Variants in PLK2 observed in about 807,000 individuals in gnomAD.
PLK2 encodes serine/threonine-protein kinase PLK2.
A neutral mutation model predicts 78.1 loss-of-function variants in PLK2; 25 were observed. That is an observed-to-expected ratio of 0.32 (90% confidence interval 0.23 to 0.45). The LOEUF is 0.45. Among genes scored for constraint, PLK2 ranks in the 20% least tolerant of loss-of-function variants. The pLI, the probability that PLK2 is intolerant of heterozygous loss-of-function variation, is 1.00. For missense variants in PLK2, 566 were observed against 840.2 expected, an observed-to-expected ratio of 0.67 and a Z score of 4.04; for synonymous variants, 332 against 298.2, an observed-to-expected ratio of 1.11 and a Z score of -1.17.
At chr5:58,457,690 A>G in intron 5 of PLK2, 107 bp from the exon 6 acceptor site, 1 of 678,802 alleles carries the variant, frequency 1.5e-6, no homozygotes, top group South Asian at 1.7e-5. Flanking sequence ...AAATCTTAAA[A>G]TCTATACTGA....
chr5:58,454,573 G>A lies in PLK2; in HGVS notation c.*10C>T, dbSNP rs200252422. ...AAGAGGAGTCCCATAGGGTCCATTCGAAAAGTCTTTCAGTTACATCTTTGT... is the reference window on the plus strand; with the variant it reads ...AAGAGGAGTCCCATAGGGTCCATTCAAAAAGTCTTTCAGTTACATCTTTGT... On this transcript the variant is annotated 3_prime_UTR_variant, in exon 14 of 14. Transcript: ENST00000274289. 55 of 1,595,164 alleles carry A rather than the reference G, an allele frequency of 3.4e-5. No homozygotes were observed. The East Asian group carries it at 1.1e-3, about 32-fold the overall frequency.
Position 58,457,565 on chromosome 5 carries a change from T to A in PLK2, c.732A>T (p.Pro244=). The part of the protein sequence containing the change: ...EHRRRTICGT[P]NYLSPEVLNK... Reference sequence around the variant, plus strand: ...TGAGGACTTCAGGAGAGAGATAATTTGGGGTACCACATATCGTTCTGGAAA... The same window carrying A: ...TGAGGACTTCAGGAGAGAGATAATTAGGGGTACCACATATCGTTCTGGAAA... The change falls in exon 6 of 14, where the codon CCA becomes CCT. Residue 244 remains proline (P), a synonymous_variant. Transcript: ENST00000274289. The A allele has an allele frequency of 6.2e-7, 1 of 1,609,064 alleles. No individual in the cohort carries two copies. The highest frequency in any genetic ancestry group is 8.5e-7 in the Non-Finnish European group (1 of 1,175,366).
At position 58,455,380 on chromosome 5, in the gene PLK2, A is replaced by G. The variant is rs147633369; in HGVS notation, c.1660T>C (p.Ser554Pro). 3.7e-6 allele frequency: 6 copies of G among 1,614,136 alleles called. No homozygotes were observed. The highest frequency in any genetic ancestry group is 2.2e-5 in the East Asian group (1 of 44,884). Residue 554 changes from serine (S) to proline (P), a missense_variant, in exon 12 of 14, where the codon TCA becomes CCA. By Grantham distance (74) the Ser-to-Pro change is moderately conservative. Around this residue, in one of 5 missense-constraint regions of PLK2, gnomAD observed 130 missense variants for 196.4 expected, o/e 0.66. Transcript: ENST00000274289. ...GGAGCATCTGTTGCTGGGAAAACTG[A>G]GCATTGGCCAAGCTCTGCGTAATAG... ...VHYYAELGQCSVFPATDAPEQ... is the reference protein window; with the variant it reads ...VHYYAELGQCPVFPATDAPEQ...
intron 10 of PLK2, 86 bp from the exon 11 acceptor site, chr5:58,455,865 A>AT: frequency 2.0e-6 from 3 of 1,530,104 alleles, no homozygotes; most frequent in Non-Finnish European, 2.7e-6. Flanking sequence ...GTTTCACTCC[A>AT]TTAATTCGAA....
At chr5:58,456,739 A>AC (rs1743615969) in intron 8 of PLK2, 150 bp from the exon 9 acceptor site, 1 of 639,994 alleles carries the variant, frequency 1.6e-6, no homozygotes, top group South Asian at 2.1e-5. Flanking sequence ...AGCTGCAGCT[A>AC]CCCCCAAAAG....
chr5:58,459,457 A>T (rs1375025126), intron 1 of PLK2: 4 of 568,644 alleles, frequency 7.0e-6, no homozygotes, highest in South Asian at 2.4e-5. Context: ...CTCAAGATGC[A>T]TTTCTCTGGG....
At chr5:58,456,270 T>C (rs1743600814) in intron 9 of PLK2, 115 bp from the exon 10 acceptor site, 3 of 1,009,404 alleles carry the variant, frequency 3.0e-6, no homozygotes, top group East Asian at 2.4e-5. Flanking sequence ...CAAAAAGCAA[T>C]GGACACAAGC....
At position 58,460,030 on chromosome 5, in the gene PLK2, T is replaced by A. The variant is rs891641477; in HGVS notation, c.-71A>T. 8.0e-6 allele frequency: 12 copies of A among 1,509,192 alleles called. No homozygotes were observed. Among genetic ancestry groups the A allele is most frequent in the Non-Finnish European group, 9.8e-6 (11 of 1,128,116 alleles). 93.5% of individuals were successfully genotyped at this position (1,509,192 alleles called of 1,614,324 possible). A position where few individuals can be genotyped will look rare whatever the true frequency, so the allele number is the denominator to read the frequency against. On this transcript the variant is annotated 5_prime_UTR_variant, in exon 1 of 14. Transcript: ENST00000274289. ...GGTCACACGTCCGAGCCGGCCGTGG[T>A]CCTCGCACCCTTGCCTCTGGTGCCG...
Position 58,457,458 on chromosome 5 carries a change from C to T in PLK2, c.809+30G>A, listed in dbSNP as rs372353895. 8.8e-6 allele frequency: 14 copies of T among 1,590,552 alleles called. No homozygotes were observed. The African/African-American group carries it at 1.2e-4, about 14-fold the overall frequency. ...GTGTTAAAATCTAAATCCGAATTTGCTTTTTAATTATTCTGCTGCATTTAC... is the reference window on the plus strand; with the variant it reads ...GTGTTAAAATCTAAATCCGAATTTGTTTTTTAATTATTCTGCTGCATTTAC... On this transcript the variant is annotated intron_variant, in intron 6 of 13. Transcript: ENST00000274289.
At chr5:58,455,437 G>A (rs757719964) in intron 11 of PLK2, 23 bp from the exon 12 acceptor site, 7 of 1,611,964 alleles carry the variant, frequency 4.3e-6, no homozygotes, top group Admixed American at 1.7e-5. Flanking sequence ...GAACGAAAGG[G>A]AGAGAAGAGG....
rs967338383 is a variant in PLK2, at chr5:58,459,201, TGAG to T, written c.271-112_271-110del. The T allele has an allele frequency of 6.6e-4, 446 of 674,254 alleles. 1 individual carries two copies. The highest frequency in any genetic ancestry group is 5.9e-3 in the African/African-American group (324 of 54,638). The allele number at this position is 674,254 out of a possible 1,614,324, so 41.8% of individuals were successfully genotyped here. ...GAAAGAAAAGCAAAAAAAAAAAAATTGAGGAATGGAGGAGGGTGGACAGAGGGA... is the reference window on the plus strand; with the variant it reads ...GAAAGAAAAGCAAAAAAAAAAAAATTGAATGGAGGAGGGTGGACAGAGGGA... On this transcript the variant is annotated intron_variant, in intron 1 of 13. Transcript: ENST00000274289.
chr5:58,455,952 T>C, intron 10 of PLK2, 74 bp downstream of exon 10: 1 of 1,519,514 alleles, frequency 6.6e-7, no homozygotes, highest in Admixed American at 2.0e-5. Context: ...CAAAGTAAAT[T>C]GACTTAAATT....
At chr5:58,456,766 C>G (rs702724) in intron 8 of PLK2, 177 bp from the exon 9 acceptor site, 61,473 of 628,446 alleles carry the variant, frequency 0.098, 3,052 homozygotes, top group Middle Eastern at 0.14. Flanking sequence ...TTAGTGTTTG[C>G]AAAATAAAAA....
chr5:58,456,923 A>C (rs781020031), intron 8 of PLK2, 22 bp downstream of exon 8: 10 of 1,507,776 alleles, frequency 6.6e-6, no homozygotes, highest in Non-Finnish European at 2.7e-6. Context: ...ACGAAAAAGG[A>C]AAAGAAGTCT....
rs769175681 is a variant in PLK2 at position 58,456,947 on chromosome 5, T to C, written c.1154A>G (p.His385Arg). The C allele has an allele frequency of 5.0e-6, 8 of 1,590,774 alleles. No homozygotes were observed. Among genetic ancestry groups the C allele is most frequent in the Middle Eastern group, 1.7e-4 (1 of 5,982 alleles). ...GAAAAGAAGTCTTGTTAACTTACTA[T>C]GTGTGTCAATATATCTTGCTTTGTC... Reference protein sequence around the residue: ...KKDKARYIDTHNRVSKEDEDI... With the variant: ...KKDKARYIDTRNRVSKEDEDI... The change falls in exon 8 of 14, where the codon CAT (histidine) becomes CGT (arginine). Residue 385 changes from histidine to arginine, a missense_variant and splice_region_variant. By Grantham distance (29) the His-to-Arg change is conservative. This residue lies in a region of PLK2 where 129 missense variants were observed against 156.0 expected (regional missense o/e 0.83). Coordinates refer to ENST00000274289, the MANE Select transcript of PLK2 (RefSeq NM_006622.4).
chr5:58,456,436 TAA>T (rs1304389059), intron 9 of PLK2, 54 bp downstream of exon 9: 2 of 1,042,130 alleles, frequency 1.9e-6, no homozygotes, highest in Non-Finnish European at 3.0e-6. Flanking sequence ...TGCTAATTAA[TAA>T]AGAGTGGAAA....
intron 4 of PLK2, 48 bp downstream of exon 4, chr5:58,458,350 GA>G: frequency 6.3e-7 from 1 of 1,594,812 alleles, no homozygotes; most frequent in Non-Finnish European, 8.6e-7. Flanking sequence ...AACAGAGAGA[GA>G]AAAAAGAACT....
chr5:58,458,884 C>T (rs772455303), intron 2 of PLK2, 43 bp from the exon 3 acceptor site: 21 of 1,364,256 alleles, frequency 1.5e-5, no homozygotes, highest in Non-Finnish European at 2.1e-5. Context: ...TTCCAGTCAC[C>T]TCGGAAAAGC....
chr5:58,456,567 TTCA>T lies in PLK2; in HGVS notation c.1176_1178del (p.Asp392del), dbSNP rs768643460. On this transcript the variant is annotated inframe_deletion, in exon 9 of 14. Transcript: ENST00000274289. ...AATCATGCCTAAGCTTGTAGATGTC[TTCA>T]TCTTCTTTAGACACTCTATCTGTAT... is the stretch of plus-strand genomic sequence containing the variant. The T allele has an allele frequency of 6.3e-7, 1 of 1,599,174 alleles. No homozygotes were observed. Among genetic ancestry groups the T allele is most frequent in the Non-Finnish European group, 8.6e-7 (1 of 1,166,762 alleles).
Sources: allele counts gnomAD v4.1 joint callset, GRCh38; gene constraint gnomAD v4.1.1; regional missense constraint gnomAD v4.1.1; transcripts MANE v1.5; gene names NCBI Gene and HGNC (gene_info 2026-07-23, HGNC 2026-07-21).